PICALM: variants seen among roughly 807,000 people sequenced by gnomAD.
PICALM encodes the protein phosphatidylinositol binding clathrin assembly protein.
A neutral mutation model predicts 80.5 loss-of-function variants in PICALM; 40 were observed. The observed-to-expected ratio is 0.50, with a 90% confidence interval of 0.39 to 0.65. The LOEUF is 0.65. Ranked by LOEUF, PICALM falls within the 30% of genes least tolerant of loss-of-function variation. PICALM has a pLI of 0.00. For synonymous variants in PICALM, 288 were observed against 260.3 expected (o/e 1.11, Z -1.02); for missense variants, 676 against 778.9 (o/e 0.87, Z 1.57).
chr11:86,063,724 T>G (rs566775531), intron 1 of PICALM, among the ~76,000 whole-genome samples: 1 of 152,354 alleles, frequency 6.6e-6, no homozygotes, highest in Admixed American at 6.5e-5. Context: ...TTGATAACTC[T>G]ATTTCTATTT....
chr11:85,983,267 G>T (rs539439866), intron 14 of PICALM, among the ~76,000 whole-genome samples: 2 of 152,246 alleles, frequency 1.3e-5, no homozygotes, highest in African/African-American at 4.8e-5. Flanking sequence ...AGTTTTACAG[G>T]CACTTCAAAT....
intron 4 of PICALM, among the ~76,000 whole-genome samples, chr11:86,019,164 A>G (rs2095527356): frequency 6.6e-6 from 1 of 152,198 alleles, no homozygotes; most frequent in Non-Finnish European, 1.5e-5. Context: ...AAACTTTACT[A>G]CTTACAATGA....
At chr11:86,024,440 G>A (rs1294888174) in intron 3 of PICALM, among the ~76,000 whole-genome samples, 5 of 126,054 alleles carry the variant, frequency 4.0e-5, no homozygotes, top group African/African-American at 1.4e-4. Context: ...AAATTCCCCT[G>A]ATCTTTTTTT....
Position 85,990,316 on chromosome 11 carries a change from G to C in PICALM, c.1342C>G (p.His448Asp). Residue 448 changes from histidine (H) to aspartate (D), a missense_variant, in exon 13 of 20, where the codon CAC becomes GAC. This residue lies in a region of PICALM where 391 missense variants were observed against 383.6 expected (regional missense o/e 1.02). Transcript: ENST00000393346. ...GATACATCTGAAGAAATGGAAAGGT[G>C]AACATCACCACTACTTTTTGTGAGG... ...PFLTKSSGDV[H>D]LSISSDVSTF... 1 of 1,604,250 alleles carries C rather than the reference G, an allele frequency of 6.2e-7. No individual in the cohort carries two copies. The highest frequency in any genetic ancestry group is 8.5e-7 in the Non-Finnish European group (1 of 1,171,414).
intron 1 of PICALM, among the ~76,000 whole-genome samples, chr11:86,041,982 T>C (rs1218287869): frequency 6.6e-6 from 1 of 152,198 alleles, no homozygotes; most frequent in East Asian, 1.9e-4. Flanking sequence ...ATTATCAAAA[T>C]GTTTTAAATT....
intron 1 of PICALM, among the ~76,000 whole-genome samples, chr11:86,048,840 A>G (rs1341042429): frequency 1.7e-4 from 9 of 52,402 alleles, no homozygotes; most frequent in Non-Finnish European, 3.7e-4. Context: ...TCCGTCTCAA[A>G]AAAAAAAAAA....
At chr11:85,994,621 A>G (rs1405689124) in intron 12 of PICALM, among the ~76,000 whole-genome samples, 1 of 152,238 alleles carries the variant, frequency 6.6e-6, no homozygotes, top group Non-Finnish European at 1.5e-5. Context: ...CAGCAGCATT[A>G]TATGTAAAAT....
chr11:86,038,617 C>A (rs1473018949), intron 1 of PICALM, among the ~76,000 whole-genome samples: 1 of 150,982 alleles, frequency 6.6e-6, no homozygotes, highest in Non-Finnish European at 1.5e-5. Context: ...CCCATCTCTA[C>A]TAAAAATACA....
intron 1 of PICALM, among the ~76,000 whole-genome samples, chr11:86,037,057 T>C (rs2095853988): frequency 6.6e-6 from 1 of 151,776 alleles, no homozygotes; most frequent in East Asian, 1.9e-4. Flanking sequence ...GCGATTCTCC[T>C]GCCTCAGCCT....
intron 10 of PICALM, 34 bp downstream of exon 10, chr11:86,001,001 C>G (rs1342239053): frequency 6.2e-7 from 1 of 1,611,546 alleles, no homozygotes; most frequent in Admixed American, 1.7e-5. Flanking sequence ...CACCTGTACT[C>G]ATTTTTCGAA....
chr11:85,969,791 T>G (rs1316300455), intron 19 of PICALM: 1 of 201,818 alleles, frequency 5.0e-6, no homozygotes, highest in African/African-American at 2.4e-5. Context: ...AGTGCTAGTA[T>G]TACAGACATG....
Position 86,057,265 on chromosome 11 carries a change from G to A in PICALM, c.130+11386C>T, listed in dbSNP as rs562956543. Among the ~76,000 whole-genome samples, 10 of 152,278 alleles carry A rather than the reference G, an allele frequency of 6.6e-5. No homozygotes were observed. In the East Asian group the frequency reaches 1.5e-3, roughly 24 times the overall value. On this transcript the variant is annotated intron_variant, in intron 1 of 19. Transcript: ENST00000393346. The stretch of plus-strand genomic sequence containing the variant: ...GAAAATTATGTGTGTGGGGCCAGGC[G>A]CGGTGGCTCACGCCTGCAATCCCAG...
intron 7 of PICALM, among the ~76,000 whole-genome samples, chr11:86,008,660 G>C (rs1022566088): frequency 1.3e-5 from 2 of 152,008 alleles, no homozygotes; most frequent in Non-Finnish European, 2.9e-5. Context: ...TTATTACTCA[G>C]ATGTTACTAA....
intron 17 of PICALM, among the ~76,000 whole-genome samples, chr11:85,980,439 T>C (rs751450655): frequency 2.0e-5 from 3 of 152,212 alleles, no homozygotes; most frequent in Non-Finnish European, 4.4e-5. Flanking sequence ...GGACCGTCTA[T>C]GTGACATATA....
intron 13 of PICALM, among the ~76,000 whole-genome samples, chr11:85,987,713 C>T (rs2094620168): frequency 6.6e-6 from 1 of 152,188 alleles, no homozygotes; most frequent in Admixed American, 6.5e-5. Flanking sequence ...TCAAGCTATC[C>T]TCCTGCCTCA....
chr11:86,011,369 T>C (rs2095391193), intron 6 of PICALM, among the ~76,000 whole-genome samples: 1 of 152,238 alleles, frequency 6.6e-6, no homozygotes, highest in Admixed American at 6.5e-5. Flanking sequence ...GTTTGTGCCA[T>C]AGTACTTTTC....
chr11:86,068,378 T>C (rs2096477210), intron 1 of PICALM, among the ~76,000 whole-genome samples: 1 of 151,854 alleles, frequency 6.6e-6, no homozygotes, highest in African/African-American at 2.4e-5. Flanking sequence ...TTGGGTATGA[T>C]GGGGTGTGGT....
chr11:86,041,849 A>G (rs2137064623), intron 1 of PICALM, among the ~76,000 whole-genome samples: 1 of 152,358 alleles, frequency 6.6e-6, no homozygotes. Flanking sequence ...CTCTTAGAAC[A>G]AAAGTGGAAA....
intron 11 of PICALM, 101 bp downstream of exon 11, chr11:86,000,542 A>G (rs1184509991): frequency 2.3e-6 from 2 of 864,996 alleles, no homozygotes; most frequent in Admixed American, 2.5e-5. Flanking sequence ...TGAATAGATT[A>G]TAAAAGCATA....
Sources: allele counts gnomAD v4.1 joint callset (sites outside exome capture counted in the v4.1 genomes callset), GRCh38; gene constraint gnomAD v4.1.1; regional missense constraint gnomAD v4.1.1; transcripts MANE v1.5; gene names NCBI Gene and HGNC (gene_info 2026-07-23, HGNC 2026-07-21).